Variants in LIMCH1 observed in about 807,000 individuals in gnomAD.
LIMCH1 encodes LIM and calponin homology domains 1, also known as LIM and calponin homology domains-containing protein 1.
LIMCH1 carries 113 observed loss-of-function variants against 176.5 expected under a neutral mutation model. That is an observed-to-expected ratio of 0.64 (90% CI 0.55 to 0.75). The LOEUF (loss-of-function observed/expected upper bound fraction) is 0.75. LIMCH1 is among the 30% of genes least tolerant of loss of function. The pLI is 0.00. For synonymous variants in LIMCH1, 619 were observed against 645.9 expected (o/e 0.96, Z 0.63); for missense variants, 1,674 against 1,814.9 (o/e 0.92, Z 1.41).
intron 1 of LIMCH1, among the ~76,000 whole-genome samples, chr4:41,438,576 C>T (rs886083389): frequency 3.9e-5 from 6 of 151,932 alleles, no homozygotes; most frequent in African/African-American, 1.2e-4. Context: ...TGGCCTCAAG[C>T]GATCTACCCG....
intron 1 of LIMCH1, among the ~76,000 whole-genome samples, chr4:41,486,758 C>CT (rs888439525): frequency 6.6e-6 from 1 of 151,952 alleles, no homozygotes; most frequent in Non-Finnish European, 1.5e-5. Context: ...CACTAAGAAT[C>CT]TATGTCTCTT....
At chr4:41,557,927 C>A (rs1040776756) in intron 1 of LIMCH1, among the ~76,000 whole-genome samples, 1 of 151,546 alleles carries the variant, frequency 6.6e-6, no homozygotes, top group Non-Finnish European at 1.5e-5. Context: ...TTTCTCTTAT[C>A]CTCATGCTCA....
intron 13 of LIMCH1, 57 bp from the exon 14 acceptor site, chr4:41,638,875 C>T: frequency 7.0e-7 from 1 of 1,430,056 alleles, no homozygotes; most frequent in Non-Finnish European, 9.9e-7. Context: ...TTCCAGCTTG[C>T]TTACAGTGTT....
intron 4 of LIMCH1, among the ~76,000 whole-genome samples, chr4:41,612,013 G>A (rs544194847): frequency 3.3e-5 from 5 of 152,138 alleles, no homozygotes; most frequent in African/African-American, 1.2e-4. Flanking sequence ...CCTCTGGAGG[G>A]TTATGCCGGC....
intron 1 of LIMCH1, among the ~76,000 whole-genome samples, chr4:41,549,556 C>T (rs116466181): frequency 0.012 from 1,799 of 152,194 alleles, 41 homozygotes; most frequent in African/African-American, 0.041. Context: ...ATAGTACCCT[C>T]ACTTAAAAAA....
chr4:41,381,610 C>T (rs2055682911), intron 1 of LIMCH1, among the ~76,000 whole-genome samples: 1 of 152,102 alleles, frequency 6.6e-6, no homozygotes, highest in Non-Finnish European at 1.5e-5. Context: ...CTTGCTTTGG[C>T]CAGTAGAATG....
intron 2 of LIMCH1, among the ~76,000 whole-genome samples, chr4:41,511,583 G>C (rs1583320541): frequency 6.6e-6 from 1 of 152,340 alleles, no homozygotes; most frequent in East Asian, 1.9e-4. Flanking sequence ...TAAATTCCTT[G>C]AAGTACTGAC....
intron 1 of LIMCH1, among the ~76,000 whole-genome samples, chr4:41,437,765 C>T (rs1358335062): frequency 2.0e-5 from 3 of 152,336 alleles, no homozygotes; most frequent in African/African-American, 7.2e-5. Context: ...CTCTTCTTCT[C>T]CTGGGCATCT....
intron 1 of LIMCH1, among the ~76,000 whole-genome samples, chr4:41,565,007 T>C (rs2082533196): frequency 6.6e-6 from 1 of 152,186 alleles, no homozygotes; most frequent in African/African-American, 2.4e-5. Context: ...TAAACCTCTT[T>C]CCTTTATAAA....
chr4:41,678,694 G>A (rs1713101087), intron 23 of LIMCH1, among the ~76,000 whole-genome samples: 1 of 152,094 alleles, frequency 6.6e-6, no homozygotes, highest in Admixed American at 6.6e-5. Context: ...GGGCCAAGGT[G>A]TTTGTAGGGG....
At chr4:41,520,040 A>G (rs886624181) in intron 2 of LIMCH1, among the ~76,000 whole-genome samples, 1 of 152,142 alleles carries the variant, frequency 6.6e-6, no homozygotes, top group Admixed American at 6.5e-5. Flanking sequence ...ATAAGCAGAA[A>G]TTTTCTATAT....
At chr4:41,656,592 G>C (rs1212125780) in intron 18 of LIMCH1, among the ~76,000 whole-genome samples, 2 of 152,084 alleles carry the variant, frequency 1.3e-5, no homozygotes, top group African/African-American at 4.8e-5. Flanking sequence ...TCTCCATATA[G>C]ATTCCCTGTC....
chr4:41,571,568 T>C (rs1341443004), intron 1 of LIMCH1, among the ~76,000 whole-genome samples: 1 of 152,132 alleles, frequency 6.6e-6, no homozygotes, highest in Non-Finnish European at 1.5e-5. Context: ...CAGTGAGGAC[T>C]CAGCTGAATT....
chr4:41,567,103 C>A (rs1432520689), intron 1 of LIMCH1, among the ~76,000 whole-genome samples: 1 of 152,166 alleles, frequency 6.6e-6, no homozygotes, highest in Non-Finnish European at 1.5e-5. Context: ...TGTGTCATAG[C>A]ACAGTACAAA....
intron 1 of LIMCH1, among the ~76,000 whole-genome samples, chr4:41,562,317 G>A (rs530883762): frequency 6.6e-6 from 1 of 152,248 alleles, no homozygotes; most frequent in East Asian, 1.9e-4. Flanking sequence ...CCTTTCTAGT[G>A]TGGTGAGGAT....
At position 41,504,597 on chromosome 4, in the gene LIMCH1, T is replaced by A. The variant is rs2073898581; in HGVS notation, c.167+9991T>A. Among the ~76,000 whole-genome samples, 3 of 152,254 alleles carry A rather than the reference T, an allele frequency of 2.0e-5. No individual in the cohort carries two copies. The South Asian group carries it at 6.2e-4, about 31-fold the overall frequency. ...CCTGGCAATGGCAGTATGCAGATAC[T>A]CTTCATGGCTATTTGTAGCTTGCGC... is the stretch of plus-strand genomic sequence containing the variant. On this transcript the variant is annotated intron_variant, in intron 2 of 26. Coordinates refer to the LIMCH1 transcript ENST00000313860.
intron 13 of LIMCH1, among the ~76,000 whole-genome samples, chr4:41,637,898 GAA>G (rs2093658473): frequency 6.6e-6 from 1 of 152,296 alleles, no homozygotes; most frequent in Non-Finnish European, 1.5e-5. Context: ...AAACTATTGT[GAA>G]ACTGATCATG....
At chr4:41,394,694 T>TG (rs1481542959) in intron 1 of LIMCH1, among the ~76,000 whole-genome samples, 1 of 152,196 alleles carries the variant, frequency 6.6e-6, no homozygotes, top group Non-Finnish European at 1.5e-5. Flanking sequence ...TCACATGTTT[T>TG]GGGGAACACC....
chr4:41,369,772 CTCCTTGTTTCA>C (rs2053668708), intron 1 of LIMCH1, among the ~76,000 whole-genome samples: 1 of 151,892 alleles, frequency 6.6e-6, no homozygotes, highest in Admixed American at 6.6e-5. Context: ...ACCCTGTTCC[CTCCTTGTTTCA>C]GCCAGGCTGT....
Sources: allele counts gnomAD v4.1 joint callset (sites outside exome capture counted in the v4.1 genomes callset), GRCh38; gene constraint gnomAD v4.1.1; transcripts MANE v1.5; gene names NCBI Gene and HGNC (gene_info 2026-07-23, HGNC 2026-07-21).